HSPG2: variants seen among roughly 807,000 people sequenced by gnomAD.
The protein encoded by HSPG2 is basement membrane-specific heparan sulfate proteoglycan core protein.
Under a neutral mutation model 526.6 loss-of-function variants are expected in HSPG2, and 278 were observed. The observed-to-expected ratio is 0.53, with a 90% confidence interval of 0.48 to 0.58. The LOEUF (loss-of-function observed/expected upper bound fraction) is 0.58. Among genes scored for constraint, HSPG2 ranks in the 20% least tolerant of loss-of-function variants. The pLI is 0.00. For missense variants in HSPG2, 5,354 were observed against 6,099.5 expected (o/e 0.88, Z 4.07); for synonymous variants, 2,465 against 2,555.4 (o/e 0.96, Z 1.07).
intron 1 of HSPG2, among the ~76,000 whole-genome samples, chr1:21,905,725 A>G (rs2152782260): frequency 6.6e-6 from 1 of 152,346 alleles, no homozygotes; most frequent in East Asian, 1.9e-4. Context: ...CTGGGCAATA[A>G]GAGTGAAAAT....
chr1:21,913,870 C>A (rs76505009), intron 1 of HSPG2, among the ~76,000 whole-genome samples: 4,233 of 152,302 alleles, frequency 0.028, 184 homozygotes, highest in African/African-American at 0.095. Context: ...ACTAACCCAG[C>A]CGGAGGCATG....
intron 13 of HSPG2, 116 bp downstream of exon 13, chr1:21,884,393 GCTCAGTGTTTCTTCAGCGA>G (rs1641719786): frequency 8.1e-7 from 1 of 1,228,590 alleles, no homozygotes; most frequent in African/African-American, 1.5e-5. Flanking sequence ...TTTTGACAGG[GCTCAGTGTTTCTTCAGCGA>G]CTCACATTCC....
In HSPG2 at chr1:21,904,064, C is replaced by A. The variant is rs1034845881; in HGVS notation, c.64-7754G>T. Among the ~76,000 whole-genome samples, 10 of 152,150 alleles carry A rather than the reference C, an allele frequency of 6.6e-5. No individual in the cohort carries two copies. The highest frequency in any genetic ancestry group is 2.4e-4 in the African/African-American group (10 of 41,436). The stretch of plus-strand genomic sequence containing the variant: ...ACGGGGTACCTACTATGTGCTGGGC[C>A]CGGGGGACAAAATGTGAAATGGACA... On this transcript the variant is annotated intron_variant, in intron 1 of 96. Coordinates refer to ENST00000374695, the MANE Select transcript of HSPG2 (RefSeq NM_005529.7). The surrounding 1 kb of genome is among the most constrained non-coding windows in gnomAD (Gnocchi z 4.4).
intron 62 of HSPG2, 60 bp from the exon 63 acceptor site, chr1:21,846,659 G>A (rs1638462999): frequency 6.3e-7 from 1 of 1,586,840 alleles, no homozygotes; most frequent in African/African-American, 1.3e-5. Context: ...AACAGGGTTG[G>A]TGGGACCCTC....
In HSPG2 at chr1:21,864,094, G is replaced by A. The variant is rs898336865; in HGVS notation, c.4740+6C>T. The A allele has an allele frequency of 6.5e-6, 10 of 1,549,282 alleles. No individual in the cohort carries two copies. The African/African-American group carries it at 1.4e-4, about 21-fold the overall frequency. Reference sequence around the variant, plus strand: ...ACCCCCTGTCCTGGCCTCGCTTGCAGCTCACCGAGCAGGCCCCAGTCTCTG... The same window carrying A: ...ACCCCCTGTCCTGGCCTCGCTTGCAACTCACCGAGCAGGCCCCAGTCTCTG... On this transcript the variant is annotated splice_donor_region_variant and intron_variant, in intron 37 of 96. Transcript: ENST00000374695. This position sits in a 1 kb window ranked among gnomAD's most constrained non-coding sequence, Gnocchi z 4.8.
intron 57 of HSPG2, 80 bp downstream of exon 57, chr1:21,849,961 A>G: frequency 6.4e-7 from 1 of 1,568,390 alleles, no homozygotes; most frequent in African/African-American, 1.3e-5. Context: ...TACAGGCGTG[A>G]GCCACTGCGC....
intron 86 of HSPG2, 49 bp from the exon 87 acceptor site, chr1:21,829,653 G>T: frequency 6.7e-7 from 1 of 1,492,126 alleles, no homozygotes; most frequent in Non-Finnish European, 9.2e-7. Context: ...TGGACCCTCG[G>T]GTGGGGTCCA....
In HSPG2 at chr1:21,872,704, A is replaced by G. The variant is rs72866991; in HGVS notation, c.3945T>C (p.Ser1315=). The change falls in exon 32 of 97, where the codon AGT becomes AGC. Residue 1315 remains serine (S), a synonymous_variant. Coordinates refer to ENST00000374695, the MANE Select transcript of HSPG2 (RefSeq NM_005529.7). The surrounding 1 kb of genome is among the most constrained non-coding windows in gnomAD (Gnocchi z 5.5). Reference sequence around the variant, plus strand: ...GCAGGCAGCCGTCTGGGTTGCTGGCACTCAGGTGGAAGTGGTGGGGCCGGC... The same window carrying G: ...GCAGGCAGCCGTCTGGGTTGCTGGCGCTCAGGTGGAAGTGGTGGGGCCGGC... ...SHCRPHHFHL[S]ASNPDGCLPC... is the part of the protein sequence containing the mutation. The G allele has an allele frequency of 4.6e-4, 738 of 1,609,114 alleles. 6 individuals are homozygous for G. In the African/African-American group the frequency reaches 8.5e-3, roughly 19 times the overall value.
Position 21,887,380 on chromosome 1 carries a change from C to T in HSPG2, c.958+40G>A. ...CAGCAGCATCCTCCCGGGCCAGCTT[C>T]CTGCTCCCCGCACCCACCTGCACCC... On this transcript the variant is annotated intron_variant, in intron 8 of 96. Coordinates refer to ENST00000374695, the MANE Select transcript of HSPG2 (RefSeq NM_005529.7). The surrounding 1 kb of genome is among the most constrained non-coding windows in gnomAD (Gnocchi z 5.0). 1.9e-6 allele frequency: 3 copies of T among 1,613,936 alleles called. No individual in the cohort carries two copies. The highest frequency in any genetic ancestry group is 1.1e-5 in the South Asian group (1 of 91,062).
chr1:21,859,960 C>G lies in HSPG2; in HGVS notation c.5057G>C (p.Ser1686Thr), dbSNP rs771398995. 59 of 1,610,932 alleles carry G rather than the reference C, an allele frequency of 3.7e-5. 2 individuals are homozygous for G. The South Asian group carries it at 6.4e-4, about 18-fold the overall frequency. Reference sequence around the variant, plus strand: ...GTGGGAGCCACCTTGGGGCACTATGCTTCGAGCAGGATGGACCTCGACCAC... The same window carrying G: ...GTGGGAGCCACCTTGGGGCACTATGGTTCGAGCAGGATGGACCTCGACCAC... ...PLVVEVHPARSIVPQGGSHSL... is the reference protein window; with the variant it reads ...PLVVEVHPARTIVPQGGSHSL... Residue 1686 changes from serine (S) to threonine (T), a missense_variant, in exon 41 of 97, where the codon AGC (serine) becomes ACC (threonine). Coordinates refer to ENST00000374695, the MANE Select transcript of HSPG2 (RefSeq NM_005529.7). This position sits in a 1 kb window ranked among gnomAD's most constrained non-coding sequence, Gnocchi z 5.3.
chr1:21,915,176 C>T (rs955256066), intron 1 of HSPG2, among the ~76,000 whole-genome samples: 3 of 144,094 alleles, frequency 2.1e-5, no homozygotes, highest in Non-Finnish European at 4.6e-5. Context: ...CGCCCTGATA[C>T]GGGCGCGTTA....
chr1:21,833,422 A>C (rs759888122), intron 79 of HSPG2, 38 bp from the exon 80 acceptor site: 1 of 1,613,952 alleles, frequency 6.2e-7, no homozygotes. Flanking sequence ...CCTGCCAGTC[A>C]GGGAGTGGGC....
At chr1:21,853,263 A>G (rs1639058104) in intron 50 of HSPG2, among the ~76,000 whole-genome samples, 193 bp from the exon 51 acceptor site, 1 of 152,066 alleles carries the variant, frequency 6.6e-6, no homozygotes, top group Admixed American at 6.5e-5. Context: ...GCCTCTAACC[A>G]CAAGCTGGAG....
rs1380431656 is a variant in HSPG2 at position 21,824,855 on chromosome 1, A to T, written c.12590-76T>A. ...TCCCCCGTCAGTTCCCCTGACCCCC[A>T]CCTCCACGCCAACATGCAGGACTAG... On this transcript the variant is annotated intron_variant, in intron 91 of 96. Coordinates refer to ENST00000374695, the MANE Select transcript of HSPG2 (RefSeq NM_005529.7). The surrounding 1 kb of genome is among the most constrained non-coding windows in gnomAD (Gnocchi z 5.9). 10 of 1,325,770 alleles carry T rather than the reference A, an allele frequency of 7.5e-6. No homozygotes were observed. Among genetic ancestry groups the T allele is most frequent in the Non-Finnish European group, 1.1e-5 (10 of 941,728 alleles). The allele number at this position is 1,325,770 out of a possible 1,614,324, so 82.1% of individuals were successfully genotyped here.
At position 21,937,281 on chromosome 1, in the gene HSPG2, C is replaced by T; in HGVS notation, c.-64G>A. On this transcript the variant is annotated 5_prime_UTR_variant, in exon 1 of 97. Transcript: ENST00000374695. ...GCCGCCCGCTCCGCGCCGCCCGCAGCCGCCCGCTCGCCGGCCAGCTCGGGA... is the reference window on the plus strand; with the variant it reads ...GCCGCCCGCTCCGCGCCGCCCGCAGTCGCCCGCTCGCCGGCCAGCTCGGGA... 1.7e-6 allele frequency: 1 copy of T among 586,500 alleles called. No homozygotes were observed. Among genetic ancestry groups the T allele is most frequent in the Non-Finnish European group, 2.1e-6 (1 of 470,764 alleles). 36.3% of individuals were successfully genotyped at this position (586,500 alleles called of 1,614,324 possible). A position where few individuals can be genotyped will look rare whatever the true frequency, so the allele number is the denominator to read the frequency against.
intron 6 of HSPG2, 26 bp downstream of exon 6, chr1:21,889,955 G>A (rs1399393868): frequency 5.6e-6 from 9 of 1,613,608 alleles, no homozygotes; most frequent in Non-Finnish European, 7.6e-6. Context: ...TGGAGGAGGC[G>A]ATCCCAGACA....
intron 56 of HSPG2, 54 bp downstream of exon 56, chr1:21,850,309 T>C: frequency 6.2e-7 from 1 of 1,604,432 alleles, no homozygotes; most frequent in Non-Finnish European, 8.5e-7. Flanking sequence ...GTTGCAAGAG[T>C]GGGGGGCCTC....
Position 21,873,420 on chromosome 1 carries a change from C to G in HSPG2, c.3748G>C (p.Ala1250Pro). Reference sequence around the variant, plus strand: ...CTGGGGTTGCCATAGTAGCCAGGGGCGCACCTGCAGAGAGAAAAAGCCTCT... The same window carrying G: ...CTGGGGTTGCCATAGTAGCCAGGGGGGCACCTGCAGAGAGAAAAAGCCTCT... ...GHSGRHCERC[A>P]PGYYGNPSQG... Residue 1250 changes from alanine (A) to proline (P), a missense_variant, in exon 30 of 97, where the codon GCC becomes CCC. Ala to Pro is a conservative substitution (Grantham distance 27). Coordinates refer to ENST00000374695, the MANE Select transcript of HSPG2 (RefSeq NM_005529.7). 6.2e-7 allele frequency: 1 copy of G among 1,614,010 alleles called. No individual in the cohort carries two copies. Among genetic ancestry groups the G allele is most frequent in the Non-Finnish European group, 8.5e-7 (1 of 1,179,970 alleles).
intron 37 of HSPG2, among the ~76,000 whole-genome samples, chr1:21,863,067 A>AACAAAAAAAAAAAAC (rs1639937317): frequency 1.3e-5 from 1 of 75,190 alleles, no homozygotes; most frequent in Non-Finnish European, 2.7e-5. Flanking sequence ...TCTCAAAAAA[A>AACAAAAAAAAAAAAC]AAAAAAAAAA....
Sources: gnomAD v4.1 joint callset for allele counts (sites outside exome capture counted in the v4.1 genomes callset) on GRCh38, gnomAD v4.1.1 for gene constraint, Gnocchi (gnomAD v3.1) non-coding constraint, MANE v1.5 for transcripts, NCBI Gene and HGNC (gene_info 2026-07-23, HGNC 2026-07-21) for gene names.